Variants in NFKB2 observed in about 807,000 individuals in gnomAD.
NFKB2 encodes the protein nuclear factor NF-kappa-B p100 subunit.
A neutral mutation model predicts 109.3 loss-of-function variants in NFKB2; 21 were observed. That is an observed-to-expected ratio of 0.19 (90% CI 0.14 to 0.28). The LOEUF (loss-of-function observed/expected upper bound fraction) is 0.28, where lower values mean the gene tolerates loss of function less well. Among genes scored for constraint, NFKB2 ranks in the 10% least tolerant of loss-of-function variants. NFKB2 has a pLI of 1.00. For missense variants in NFKB2, 806 were observed against 1,185.3 expected (o/e 0.68, Z 4.70); for synonymous variants, 478 against 489.9 (o/e 0.98, Z 0.32).
In NFKB2 at chr10:102,397,565, C is replaced by A. The variant is rs1362312596; in HGVS notation, c.541C>A (p.Leu181Met). The change falls in exon 8 of 23, where the codon CTG (leucine) becomes ATG (methionine). Residue 181 changes from leucine to methionine, a missense_variant. By Grantham distance (15) the Leu-to-Met change is conservative (BLOSUM62 2). Transcript: ENST00000661543. This position sits in a 1 kb window ranked among gnomAD's most constrained non-coding sequence, Gnocchi z 4.7. The part of the protein sequence containing the change: ...QRELEQEAKE[L>M]KKVMDLSIVR... ...GGAGCTGGAGCAAGAGGCCAAAGAA[C>A]TGAAGAAGGTGATGGATCTGAGTAT... The A allele has an allele frequency of 1.2e-6, 2 of 1,613,964 alleles. No individual in the cohort carries two copies. The highest frequency in any genetic ancestry group is 1.7e-6 in the Non-Finnish European group (2 of 1,179,838).
rs2061143558 is a variant in NFKB2, at chr10:102,397,796, C to G, written c.661+111C>G. ...CAGGTTTCAGAACCTGGCCCTGCCA[C>G]ATATGAGCTGAGTGATCCTGAGCAA... is the stretch of plus-strand genomic sequence containing the variant. On this transcript the variant is annotated intron_variant, in intron 8 of 22. Transcript: ENST00000661543. The surrounding 1 kb of genome is among the most constrained non-coding windows in gnomAD (Gnocchi z 4.7). The G allele has an allele frequency of 1.4e-6, 2 of 1,389,330 alleles. No individual in the cohort carries two copies. Among genetic ancestry groups the G allele is most frequent in the Admixed American group, 3.9e-5 (2 of 50,822 alleles). 86.1% of individuals were successfully genotyped at this position (1,389,330 alleles called of 1,614,324 possible). A position where few individuals can be genotyped will look rare whatever the true frequency, so the allele number is the denominator to read the frequency against.
chr10:102,395,192 T>C (rs1254806746), upstream of NFKB2, among the ~76,000 whole-genome samples: 1 of 142,832 alleles, frequency 7.0e-6, no homozygotes, highest in East Asian at 2.1e-4. Flanking sequence ...GTTGTGAGGT[T>C]TGGGAGAGAG....
Position 102,400,366 on chromosome 10 carries a change from G to A in NFKB2, c.1673G>A (p.Arg558Gln), listed in dbSNP as rs1251274851. ...GGTGCAGACCCAGCTCTGCTGGATCGGCATGGAGACTCAGCCATGCATCTG... is the reference window on the plus strand; with the variant it reads ...GGTGCAGACCCAGCTCTGCTGGATCAGCATGGAGACTCAGCCATGCATCTG... ...RVGADPALLD[R>Q]HGDSAMHLAL... Residue 558 changes from arginine (R) to glutamine (Q), a missense_variant, in exon 16 of 23, where the codon CGG (arginine) becomes CAG (glutamine). Arg to Gln is a conservative substitution (Grantham distance 43). Transcript: ENST00000661543. The surrounding 1 kb of genome is among the most constrained non-coding windows in gnomAD (Gnocchi z 6.3). 22 of 1,613,766 alleles carry A rather than the reference G, an allele frequency of 1.4e-5. No homozygotes were observed. Among genetic ancestry groups the A allele is most frequent in the East Asian group, 2.2e-5 (1 of 44,886 alleles).
rs753068362 is a variant in NFKB2 at position 102,397,618 on chromosome 10, T to C, written c.594T>C (p.Leu198=). 4 of 1,613,974 alleles carry C rather than the reference T, an allele frequency of 2.5e-6. No homozygotes were observed. Among genetic ancestry groups the C allele is most frequent in the Non-Finnish European group, 1.7e-6 (2 of 1,179,846 alleles). ...SIVRLRFSAF[L]RASDGSFSLP... is the part of the protein sequence containing the mutation. ...TGCGGCTGCGCTTCTCTGCCTTCCT[T>C]AGAGCCAGTGATGGCTCCTTCTCCC... The change falls in exon 8 of 23, where the codon CTT becomes CTC. Residue 198 remains leucine (L), a synonymous_variant. Transcript: ENST00000661543. The surrounding 1 kb of genome is among the most constrained non-coding windows in gnomAD (Gnocchi z 4.7).
rs377426371 is a variant in NFKB2 at position 102,396,203 on chromosome 10, G to A, written c.22-50G>A. The stretch of plus-strand genomic sequence containing the variant: ...AGACTTGGAGATGGGAGGTGGGGCT[G>A]TGGGGGGTGCTGAGAGTCGGATGCC... On this transcript the variant is annotated intron_variant, in intron 2 of 22. Coordinates refer to ENST00000661543, the MANE Select transcript of NFKB2 (RefSeq NM_001322934.2). This position sits in a 1 kb window ranked among gnomAD's most constrained non-coding sequence, Gnocchi z 5.9. 6 of 1,563,462 alleles carry A rather than the reference G, an allele frequency of 3.8e-6. No homozygotes were observed. Among genetic ancestry groups the A allele is most frequent in the Non-Finnish European group, 5.3e-6 (6 of 1,140,110 alleles).
chr10:102,402,155 C>T lies in NFKB2; in HGVS notation c.2574C>T (p.Ser858=). The change falls in exon 22 of 23, where the codon AGC becomes AGT. Residue 858 remains serine, a synonymous_variant. Transcript: ENST00000661543. ...CAGAAACCCGAGACAAGCTGCCCAGCACAGGTAAAGGGGCCTCCCTGGAAG... is the reference window on the plus strand; with the variant it reads ...CAGAAACCCGAGACAAGCTGCCCAGTACAGGTAAAGGGGCCTCCCTGGAAG... ...RGPETRDKLP[S]TAEVKEDSAY... is the part of the protein sequence containing the mutation. 6.4e-7 allele frequency: 1 copy of T among 1,571,354 alleles called. No homozygotes were observed. Among genetic ancestry groups the T allele is most frequent in the South Asian group, 1.2e-5 (1 of 85,630 alleles).
At chr10:102,394,221 A>G (rs1186265903), upstream of NFKB2, 1 of 152,178 alleles carries the variant, frequency 6.6e-6, no homozygotes, top group Non-Finnish European at 1.5e-5. Context: ...GCCAAGCGTT[A>G]GGCGCAGCCA....
rs2061176297 is a variant in NFKB2, at chr10:102,399,329, C to G, written c.1159C>G (p.Pro387Ala). Reference protein sequence around the residue: ...GFFPSSLAYSPYQSGAGPMGC... With the variant: ...GFFPSSLAYSAYQSGAGPMGC... ...CTTCCCCTCCTCCCTGGCCTACAGC[C>G]CCTACCAGTCCGGCGCGGGCCCCAT... Residue 387 changes from proline to alanine, a missense_variant, in exon 13 of 23, where the codon CCC becomes GCC. By Grantham distance (27) the Pro-to-Ala change is conservative (BLOSUM62 -1). Transcript: ENST00000661543. 2.5e-6 allele frequency: 4 copies of G among 1,587,076 alleles called. No homozygotes were observed. The South Asian group carries it at 3.4e-5, about 14-fold the overall frequency.
chr10:102,400,881 G>A lies in NFKB2; in HGVS notation c.1968+57G>A. The A allele has an allele frequency of 1.9e-6, 3 of 1,579,674 alleles. No individual in the cohort carries two copies. Among genetic ancestry groups the A allele is most frequent in the Admixed American group, 3.7e-5 (2 of 54,400 alleles). ...CAAGGGTGGTGGAGGGGCCAAAGAT[G>A]GTGAAGGGGGGGGCTGGCCAAGGGG... On this transcript the variant is annotated intron_variant, in intron 17 of 22. Transcript: ENST00000661543. This position sits in a 1 kb window ranked among gnomAD's most constrained non-coding sequence, Gnocchi z 6.3.
At position 102,400,410 on chromosome 10, in the gene NFKB2, G is replaced by T; in HGVS notation, c.1717G>T (p.Gly573Cys). ...GCATCTGGCGCTGCGGGCAGGCGCT[G>T]GTGCTCCTGAGCTGCTGCGTGCACT... The part of the protein sequence containing the change: ...AMHLALRAGA[G>C]APELLRALLQ... The change falls in exon 16 of 23, where the codon GGT becomes TGT. Residue 573 changes from glycine to cysteine, a missense_variant. Transcript: ENST00000661543. This position sits in a 1 kb window ranked among gnomAD's most constrained non-coding sequence, Gnocchi z 6.3. The T allele has an allele frequency of 6.2e-7, 1 of 1,613,124 alleles. No individual in the cohort carries two copies. Among genetic ancestry groups the T allele is most frequent in the Non-Finnish European group, 8.5e-7 (1 of 1,180,020 alleles).
Position 102,397,847 on chromosome 10 carries a change from CTT to C in NFKB2, c.662-132_662-131del. 8.0e-7 allele frequency: 1 copy of C among 1,257,648 alleles called. No homozygotes were observed. The highest frequency in any genetic ancestry group is 1.4e-5 in the South Asian group (1 of 74,066). 77.9% of individuals were successfully genotyped at this position (1,257,648 alleles called of 1,614,324 possible). On this transcript the variant is annotated intron_variant, in intron 8 of 22. Coordinates refer to ENST00000661543, the MANE Select transcript of NFKB2 (RefSeq NM_001322934.2). The surrounding 1 kb of genome is among the most constrained non-coding windows in gnomAD (Gnocchi z 4.7). ...GTCATTTCCCCCCCGAAGCTTCTGT[CTT>C]TAGTAAATGTGTATATTGGGTGTTT...
chr10:102,396,557 G>C lies in NFKB2; in HGVS notation c.144+68G>C. ...GGGACAAATGGGGTAGTGGTAGCTG[G>C]CTGGCCATGGAGGAGCCATTGCCGA... On this transcript the variant is annotated intron_variant, in intron 4 of 22. Transcript: ENST00000661543. This position sits in a 1 kb window ranked among gnomAD's most constrained non-coding sequence, Gnocchi z 5.9. 1 of 1,609,174 alleles carries C rather than the reference G, an allele frequency of 6.2e-7. No homozygotes were observed. Among genetic ancestry groups the C allele is most frequent in the Non-Finnish European group, 8.5e-7 (1 of 1,177,202 alleles).
upstream of NFKB2, among the ~76,000 whole-genome samples, chr10:102,395,086 C>T (rs1159233885): frequency 8.4e-6 from 1 of 118,402 alleles, no homozygotes; most frequent in Non-Finnish European, 1.6e-5. Context: ...GATGGAGACA[C>T]ACTCTTGTAT....
chr10:102,398,939 C>A lies in NFKB2; in HGVS notation c.1117+75C>A. ...GGAAAAAAATCTGGGGGAGGCCGGG[C>A]GTGGTGGCTCACGCCTGTAATCCAG... is the stretch of plus-strand genomic sequence containing the variant. On this transcript the variant is annotated intron_variant, in intron 12 of 22. Transcript: ENST00000661543. This position sits in a 1 kb window ranked among gnomAD's most constrained non-coding sequence, Gnocchi z 6.6. The A allele has an allele frequency of 6.7e-7, 1 of 1,484,638 alleles. No homozygotes were observed. The highest frequency in any genetic ancestry group is 9.1e-7 in the Non-Finnish European group (1 of 1,095,672). 92.0% of individuals were successfully genotyped at this position (1,484,638 alleles called of 1,614,324 possible).
Position 102,396,405 on chromosome 10 carries a change from AG to A in NFKB2, c.104-40del. ...AGAGCATGTGCCCTCTCTCTGGGGG[AG>A]GGGCTGGGAGATCGTGGCTCAGCAA... On this transcript the variant is annotated intron_variant, in intron 3 of 22. Transcript: ENST00000661543. The surrounding 1 kb of genome is among the most constrained non-coding windows in gnomAD (Gnocchi z 5.9). 6.2e-7 allele frequency: 1 copy of A among 1,613,798 alleles called. No homozygotes were observed. The highest frequency in any genetic ancestry group is 1.1e-5 in the South Asian group (1 of 91,064).
Position 102,397,457 on chromosome 10 carries a change from T to A in NFKB2, c.502+49T>A. 1.6e-6 allele frequency: 1 copy of A among 637,340 alleles called. No individual in the cohort carries two copies. The highest frequency in any genetic ancestry group is 2.7e-6 in the Non-Finnish European group (1 of 366,040). 39.5% of individuals were successfully genotyped at this position (637,340 alleles called of 1,614,324 possible). On this transcript the variant is annotated intron_variant, in intron 7 of 22. Coordinates refer to ENST00000661543, the MANE Select transcript of NFKB2 (RefSeq NM_001322934.2). This position sits in a 1 kb window ranked among gnomAD's most constrained non-coding sequence, Gnocchi z 4.7. ...GGTATGGGTGCAGGGGGTGGGTGGGTCATGGGAGGTGCTCATGGAAGGAGC... is the reference window on the plus strand; with the variant it reads ...GGTATGGGTGCAGGGGGTGGGTGGGACATGGGAGGTGCTCATGGAAGGAGC...
rs775707429 is a variant in NFKB2, at chr10:102,398,108, G to T, written c.766+23G>T. 4 of 1,613,696 alleles carry T rather than the reference G, an allele frequency of 2.5e-6. No homozygotes were observed. Among genetic ancestry groups the T allele is most frequent in the Non-Finnish European group, 3.4e-6 (4 of 1,179,600 alleles). ...AAGGTGAGACTGGAGCCCACTTTGG[G>T]CACCAAGGACATCGAGTATAAGACT... is the stretch of plus-strand genomic sequence containing the variant. On this transcript the variant is annotated intron_variant, in intron 9 of 22. Transcript: ENST00000661543. This position sits in a 1 kb window ranked among gnomAD's most constrained non-coding sequence, Gnocchi z 6.6.
At chr10:102,399,801 G>T in intron 14 of NFKB2, 83 bp downstream of exon 14, 1 of 1,427,908 alleles carries the variant, frequency 7.0e-7, no homozygotes, top group South Asian at 1.5e-5. Flanking sequence ...TGCAGTTTTC[G>T]GACACGCCAG....
In NFKB2 at chr10:102,400,920, G is replaced by A. The variant is rs1240330807; in HGVS notation, c.1969-27G>A. The A allele has an allele frequency of 4.4e-6, 7 of 1,602,208 alleles. No individual in the cohort carries two copies. In the East Asian group the frequency reaches 9.0e-5, roughly 21 times the overall value. Reference sequence around the variant, plus strand: ...CTGGCCAAGGGGACCATGCTGTGGTGTCAACTCTCGCTGCTCGCACCCCCA... The same window carrying A: ...CTGGCCAAGGGGACCATGCTGTGGTATCAACTCTCGCTGCTCGCACCCCCA... On this transcript the variant is annotated intron_variant, in intron 17 of 22. Coordinates refer to ENST00000661543, the MANE Select transcript of NFKB2 (RefSeq NM_001322934.2). This position sits in a 1 kb window ranked among gnomAD's most constrained non-coding sequence, Gnocchi z 6.3.
Sources: gnomAD v4.1 joint callset for allele counts (sites outside exome capture counted in the v4.1 genomes callset) on GRCh38, gnomAD v4.1.1 for gene constraint, Gnocchi (gnomAD v3.1) non-coding constraint, MANE v1.5 for transcripts, NCBI Gene and HGNC (gene_info 2026-07-23, HGNC 2026-07-21) for gene names.